Variants in RARS1 observed in about 807,000 individuals in gnomAD.
RARS1 encodes the protein arginine--tRNA ligase, cytoplasmic.
Under a neutral mutation model 78.7 loss-of-function variants are expected in RARS1, and 75 were observed. The ratio of observed to expected loss-of-function variants is 0.95; its 90% confidence interval spans 0.79 to 1.15. The LOEUF (loss-of-function observed/expected upper bound fraction) is 1.15, where lower values mean the gene tolerates loss of function less well. Ranked by LOEUF, RARS1 falls within the 50% of genes most tolerant of loss-of-function variation. The pLI is 0.00. For missense variants in RARS1, 787 were observed against 787.5 expected, an observed-to-expected ratio of 1.00 and a Z score of 0.01; for synonymous variants, 273 against 268.2, an observed-to-expected ratio of 1.02 and a Z score of -0.18.
chr5:168,517,676 C>A, intron 13 of RARS1, 139 bp from the exon 14 acceptor site: 1 of 1,130,502 alleles, frequency 8.8e-7, no homozygotes, highest in Non-Finnish European at 1.2e-6. Context: ...TTAGTTTTGC[C>A]TAATAGTATA....
At chr5:168,512,970 G>A (rs535686330) in intron 12 of RARS1, among the ~76,000 whole-genome samples, 1 of 152,138 alleles carries the variant, frequency 6.6e-6, no homozygotes, top group East Asian at 1.9e-4. Context: ...GTGACTTATT[G>A]TGGTTAAAAT....
intron 7 of RARS1, among the ~76,000 whole-genome samples, 160 bp from the exon 8 acceptor site, chr5:168,500,431 A>G (rs1323530180): frequency 6.6e-6 from 1 of 152,150 alleles, no homozygotes; most frequent in East Asian, 1.9e-4. Flanking sequence ...TGGCATGTTC[A>G]TTTGTAACAG....
At chr5:168,498,860 G>A (rs773717930) in intron 7 of RARS1, among the ~76,000 whole-genome samples, 5 of 152,014 alleles carry the variant, frequency 3.3e-5, no homozygotes, top group Non-Finnish European at 5.9e-5. Context: ...TCAGCTACTT[G>A]GGAGGCTAAG....
intron 2 of RARS1, among the ~76,000 whole-genome samples, chr5:168,491,698 C>T (rs1264628431): frequency 6.6e-6 from 1 of 152,140 alleles, no homozygotes; most frequent in East Asian, 1.9e-4. Context: ...ATAATAGTAA[C>T]AAGCTCGATT....
chr5:168,517,732 G>A, intron 13 of RARS1, 83 bp from the exon 14 acceptor site: 1 of 1,390,096 alleles, frequency 7.2e-7, no homozygotes, highest in Non-Finnish European at 9.3e-7. Flanking sequence ...TTTTTAATCG[G>A]TGATAATTTC....
At chr5:168,500,246 C>CACATCCAA (rs1758289480) in intron 7 of RARS1, among the ~76,000 whole-genome samples, 3 of 150,034 alleles carry the variant, frequency 2.0e-5, no homozygotes, top group Non-Finnish European at 3.0e-5. Context: ...CATTCAGGAC[C>CACATCCAA]ACATCCAAAA....
In RARS1 at chr5:168,488,733, A is replaced by G. The variant is rs1216423709; in HGVS notation, c.177A>G (p.Arg59=). The G allele has an allele frequency of 1.9e-6, 3 of 1,602,792 alleles. No homozygotes were observed. Among genetic ancestry groups the G allele is most frequent in the Non-Finnish European group, 2.5e-6 (3 of 1,176,604 alleles). ...TAAAGTATCGACTGAATATTCTTCG[A>G]AAGGTGAGTACTTTGGGTTCCAGTT... ...LKLKYRLNIL[R]KSLQAERNKP... is the part of the protein sequence containing the mutation. The change falls in exon 2 of 15, where the codon CGA becomes CGG. Residue 59 remains arginine (R), a synonymous_variant. Transcript: ENST00000231572.
At chr5:168,509,086 G>A (rs1181147645) in intron 11 of RARS1, among the ~76,000 whole-genome samples, 1 of 152,086 alleles carries the variant, frequency 6.6e-6, no homozygotes, top group African/African-American at 2.4e-5. Flanking sequence ...AAAATTCATG[G>A]CAGGCGCAGG....
At chr5:168,491,335 C>G (rs1404639937) in intron 2 of RARS1, among the ~76,000 whole-genome samples, 3 of 152,102 alleles carry the variant, frequency 2.0e-5, no homozygotes, top group African/African-American at 7.2e-5. Context: ...TTAGCCTCAG[C>G]AGAGTGCACA....
intron 1 of RARS1, 110 bp downstream of exon 1, chr5:168,486,653 T>C: frequency 1.7e-6 from 2 of 1,177,588 alleles, no homozygotes; most frequent in Non-Finnish European, 1.2e-6. Flanking sequence ...ATCCTGGTCC[T>C]CTCAGAGTGG....
intron 1 of RARS1, 144 bp from the exon 2 acceptor site, chr5:168,488,458 C>T (rs1359340564): frequency 1.3e-5 from 12 of 943,004 alleles, no homozygotes; most frequent in Middle Eastern, 2.3e-4. Context: ...AATATGCTAA[C>T]GTCAGCAAAA....
intron 7 of RARS1, among the ~76,000 whole-genome samples, chr5:168,497,567 C>G (rs1258893511): frequency 2.0e-5 from 3 of 151,900 alleles, no homozygotes; most frequent in Non-Finnish European, 4.4e-5. Flanking sequence ...CCTCACAGTT[C>G]TGCAGGCTGT....
At position 168,497,327 on chromosome 5, in the gene RARS1, G is replaced by C. The variant is rs765870157; in HGVS notation, c.801G>C (p.Gly267=). 1 of 1,579,562 alleles carries C rather than the reference G, an allele frequency of 6.3e-7. No homozygotes were observed. The highest frequency in any genetic ancestry group is 1.4e-5 in the African/African-American group (1 of 73,840). The change falls in exon 7 of 15, where the codon GGG becomes GGC. Residue 267 remains glycine, a synonymous_variant. Transcript: ENST00000231572. ...PDYLTVSPPI[G]DLQVFYKESK... ...ATCTAACAGTTTCACCTCCTATTGG[G>C]GATCTTCAGGTCTTTTATAAGGTTT...
At chr5:168,489,616 G>GT (rs1758040293) in intron 2 of RARS1, among the ~76,000 whole-genome samples, 1 of 152,040 alleles carries the variant, frequency 6.6e-6, no homozygotes, top group African/African-American at 2.4e-5. Flanking sequence ...ACTTGCTGCA[G>GT]TTTTTTGGCC....
chr5:168,509,252 A>T (rs1758514473), intron 11 of RARS1, among the ~76,000 whole-genome samples: 1 of 152,218 alleles, frequency 6.6e-6, no homozygotes, highest in Non-Finnish European at 1.5e-5. Context: ...CTATGGAAAT[A>T]TATAATGTAT....
intron 1 of RARS1, among the ~76,000 whole-genome samples, chr5:168,487,060 A>C (rs889138390): frequency 1.3e-5 from 2 of 152,142 alleles, no homozygotes; most frequent in African/African-American, 4.8e-5. Flanking sequence ...AGGAGCAGCC[A>C]CACCATATAA....
intron 7 of RARS1, among the ~76,000 whole-genome samples, chr5:168,499,708 TAA>T (rs11345301): frequency 2.0e-5 from 3 of 148,118 alleles, no homozygotes; most frequent in Non-Finnish European, 4.5e-5. Flanking sequence ...CAAACCACAG[TAA>T]AAAAAAAAGC....
chr5:168,494,641 G>T lies in RARS1; in HGVS notation c.570G>T (p.Glu190Asp). 1 of 1,577,102 alleles carries T rather than the reference G, an allele frequency of 6.3e-7. No homozygotes were observed. ...VNGVQLPALG[E>D]NKKVIVDFSS... The stretch of plus-strand genomic sequence containing the variant: ...GAGTTCAACTACCTGCTCTGGGAGA[G>T]AATAAAAAGGTATATGTACACTCTT... Residue 190 changes from glutamate (E) to aspartate (D), a missense_variant, in exon 5 of 15, where the codon GAG (glutamate) becomes GAT (aspartate). Physicochemically the swap from Glu to Asp is conservative, Grantham distance 45 (BLOSUM62 2). Transcript: ENST00000231572.
chr5:168,492,083 T>A (rs1428203333), intron 2 of RARS1, among the ~76,000 whole-genome samples: 1 of 151,846 alleles, frequency 6.6e-6, no homozygotes, highest in Non-Finnish European at 1.5e-5. Context: ...GATAGTTTTG[T>A]GAGGGTATGA....
Sources: allele counts gnomAD v4.1 joint callset (sites outside exome capture counted in the v4.1 genomes callset), GRCh38; gene constraint gnomAD v4.1.1; transcripts MANE v1.5; gene names NCBI Gene and HGNC (gene_info 2026-07-23, HGNC 2026-07-21).